Variants in RIT2 observed in about 807,000 individuals in gnomAD.
RIT2 encodes the protein Ras like without CAAX 2, also known as GTP-binding protein Rit2.
RIT2 carries 24 observed loss-of-function variants against 23.7 expected under a neutral mutation model. The ratio of observed to expected loss-of-function variants is 1.01; its 90% CI spans 0.73 to 1.43. The LOEUF (loss-of-function observed/expected upper bound fraction) is 1.43, where lower values mean the gene tolerates loss of function less well. RIT2 is among the 40% of genes most tolerant of loss of function. The pLI is 0.00. For missense variants in RIT2, 236 were observed against 266.9 expected (o/e 0.88, Z 0.81); for synonymous variants, 107 against 91.1 (o/e 1.17, Z -0.99).
intron 2 of RIT2, among the ~76,000 whole-genome samples, chr18:42,989,325 A>G (rs2144225112): frequency 6.6e-6 from 1 of 152,270 alleles, no homozygotes; most frequent in South Asian, 2.1e-4. Flanking sequence ...GGGATTCTGT[A>G]TTTCTAGTAA....
chr18:43,096,957 CAT>C (rs1913568918), intron 1 of RIT2, among the ~76,000 whole-genome samples: 1 of 151,832 alleles, frequency 6.6e-6, no homozygotes, highest in Non-Finnish European at 1.5e-5. Flanking sequence ...TAAAGAGCTT[CAT>C]TCTTAGAAAG....
At chr18:43,078,425 A>G (rs1228621048) in intron 1 of RIT2, among the ~76,000 whole-genome samples, 3 of 152,168 alleles carry the variant, frequency 2.0e-5, no homozygotes, top group Non-Finnish European at 4.4e-5. Flanking sequence ...CCCCTTTATA[A>G]GAAAGCCTTT....
intron 4 of RIT2, among the ~76,000 whole-genome samples, chr18:42,755,214 A>AT (rs1913134681): frequency 6.6e-6 from 1 of 152,004 alleles, no homozygotes; most frequent in African/African-American, 2.4e-5. Context: ...CCTGTTTATA[A>AT]TTTTTTCTAC....
At chr18:42,995,081 A>G (rs1910948714) in intron 2 of RIT2, among the ~76,000 whole-genome samples, 1 of 151,934 alleles carries the variant, frequency 6.6e-6, no homozygotes, top group Non-Finnish European at 1.5e-5. Flanking sequence ...CCCTGATCAC[A>G]CTTAGTTTAT....
At chr18:42,917,433 T>C (rs920522156) in intron 4 of RIT2, among the ~76,000 whole-genome samples, 1 of 152,126 alleles carries the variant, frequency 6.6e-6, no homozygotes, top group Non-Finnish European at 1.5e-5. Flanking sequence ...AACCTCACTG[T>C]AATCTTGTCA....
chr18:42,955,719 T>C (rs190245779), intron 3 of RIT2, among the ~76,000 whole-genome samples: 2 of 152,344 alleles, frequency 1.3e-5, no homozygotes, highest in African/African-American at 4.8e-5. Flanking sequence ...TTAATTCATA[T>C]AAAACTCACA....
intron 4 of RIT2, among the ~76,000 whole-genome samples, chr18:42,773,875 T>A (rs1913606683): frequency 6.6e-6 from 1 of 152,174 alleles, no homozygotes; most frequent in South Asian, 2.1e-4. Flanking sequence ...ACTCTTCCTA[T>A]ATTTTATTCT....
In RIT2 at chr18:42,816,784, T is replaced by C. The variant is rs867253462; in HGVS notation, c.427-73064A>G. Among the ~76,000 whole-genome samples the C allele has an allele frequency of 2.0e-5, 3 of 152,022 alleles. No homozygotes were observed. In the South Asian group the frequency reaches 6.2e-4, roughly 32 times the overall value. ...CATTATAGGATAAAAAAACCAACAA[T>C]AAACAAACAGAAGACCCTGATTTAG... is the stretch of plus-strand genomic sequence containing the variant. On this transcript the variant is annotated intron_variant, in intron 4 of 4. Transcript: ENST00000326695.
intron 2 of RIT2, among the ~76,000 whole-genome samples, chr18:43,015,646 A>C (rs59671479): frequency 0.07 from 10,694 of 151,790 alleles, 588 homozygotes; most frequent in East Asian, 0.25. Context: ...TCTAGGATTA[A>C]TTAAGCCTTG....
chr18:42,773,404 T>C (rs1406064581), intron 4 of RIT2, among the ~76,000 whole-genome samples: 1 of 152,168 alleles, frequency 6.6e-6, no homozygotes, highest in Non-Finnish European at 1.5e-5. Context: ...AAAAAAACAG[T>C]TCATTTTCTA....
chr18:43,010,906 T>C (rs553875870), intron 2 of RIT2, among the ~76,000 whole-genome samples: 7 of 151,870 alleles, frequency 4.6e-5, no homozygotes, highest in Admixed American at 4.6e-4. Context: ...GGGAGAACAA[T>C]AGCTGTTCCC....
At chr18:42,777,926 A>G (rs1913712502) in intron 4 of RIT2, among the ~76,000 whole-genome samples, 2 of 152,216 alleles carry the variant, frequency 1.3e-5, no homozygotes, top group Admixed American at 1.3e-4. Context: ...TCATAAAATG[A>G]TCATCAATAA....
chr18:42,900,068 GTAA>G (rs1908434740), intron 4 of RIT2, among the ~76,000 whole-genome samples: 1 of 151,812 alleles, frequency 6.6e-6, no homozygotes, highest in African/African-American at 2.4e-5. Flanking sequence ...TTAACCTCCA[GTAA>G]TAATATTTAA....
At chr18:42,978,943 T>C (rs1910534362) in intron 2 of RIT2, among the ~76,000 whole-genome samples, 1 of 152,086 alleles carries the variant, frequency 6.6e-6, no homozygotes, top group South Asian at 2.1e-4. Flanking sequence ...CATAAGACAG[T>C]GCTTTTGAAA....
intron 4 of RIT2, among the ~76,000 whole-genome samples, chr18:42,823,753 T>C (rs1423825925): frequency 1.3e-5 from 2 of 152,160 alleles, no homozygotes; most frequent in Non-Finnish European, 2.9e-5. Flanking sequence ...TATTTAATGT[T>C]TACAGAAAAT....
chr18:43,082,688 CA>C (rs36084920), intron 1 of RIT2, among the ~76,000 whole-genome samples: 10 of 149,126 alleles, frequency 6.7e-5, no homozygotes, highest in African/African-American at 1.7e-4. Context: ...CCTCTTCATG[CA>C]AAAAAAAACA....
intron 4 of RIT2, among the ~76,000 whole-genome samples, chr18:42,824,424 A>C (rs2143997581): frequency 6.6e-6 from 1 of 152,222 alleles, no homozygotes; most frequent in East Asian, 1.9e-4. Context: ...TTAAGTCAAT[A>C]TAAGAGTGCA....
At chr18:42,753,480 C>T (rs1456388309) in intron 4 of RIT2, among the ~76,000 whole-genome samples, 1 of 152,142 alleles carries the variant, frequency 6.6e-6, no homozygotes, top group Non-Finnish European at 1.5e-5. Context: ...AAGCAAAAAT[C>T]TTAGTGGTTA....
intron 1 of RIT2, among the ~76,000 whole-genome samples, chr18:43,050,756 C>A (rs2144308924): frequency 6.6e-6 from 1 of 152,094 alleles, no homozygotes; most frequent in Admixed American, 6.6e-5. Flanking sequence ...CATTGTGAAG[C>A]TTCCATAAAA....
Sources: gnomAD v4.1 joint callset for allele counts (sites outside exome capture counted in the v4.1 genomes callset) on GRCh38, gnomAD v4.1.1 for gene constraint, MANE v1.5 for transcripts, NCBI Gene and HGNC (gene_info 2026-07-23, HGNC 2026-07-21) for gene names.